Variants in USP31 observed in about 807,000 individuals in gnomAD.
USP31 encodes the protein ubiquitin specific peptidase 31.
Under a neutral mutation model 119.4 loss-of-function variants are expected in USP31, and 44 were observed. That is an observed-to-expected ratio of 0.37 (90% CI 0.29 to 0.47). The LOEUF (loss-of-function observed/expected upper bound fraction) is 0.47, where lower values mean the gene tolerates loss of function less well. Ranked by LOEUF, USP31 falls within the 20% of genes least tolerant of loss-of-function variation. The probability of loss-of-function intolerance (pLI) is 0.99; values close to 1 mark genes in which losing one functional copy is unlikely to be tolerated. For missense variants in USP31, 1,643 were observed against 1,730.2 expected (o/e 0.95, Z 0.89); for synonymous variants, 749 against 705.6 (o/e 1.06, Z -0.97).
In USP31 at chr16:23,067,135, A is replaced by G. The variant is rs1165136232; in HGVS notation, c.*911T>C. ...ATGTCCAGTCTTTCACCCAGTTTAG[A>G]ATCTAGAAGTTTTTTCCAGGAATCT... On this transcript the variant is annotated 3_prime_UTR_variant, in exon 16 of 16. Transcript: ENST00000219689. 2.0e-5 allele frequency: 3 copies of G among 152,708 alleles called. No homozygotes were observed. The highest frequency in any genetic ancestry group is 7.2e-5 in the African/African-American group (3 of 41,562). The allele number at this position is 152,708 out of a possible 1,614,324, so 9.5% of individuals were successfully genotyped here.
rs1381803557 is a variant in USP31 at position 23,102,553 on chromosome 16, G to A, written c.1090-90C>T. ...TCTATGAACTTCTCCAGACCATCAG[G>A]ACTGGCAGTGGTCTGAGAGACATCT... On this transcript the variant is annotated intron_variant, in intron 5 of 15. Transcript: ENST00000219689. 4.8e-5 allele frequency: 69 copies of A among 1,443,894 alleles called. No individual in the cohort carries two copies. The East Asian group carries it at 1.6e-3, about 34-fold the overall frequency. The allele number at this position is 1,443,894 out of a possible 1,614,324, so 89.4% of individuals were successfully genotyped here.
intron 6 of USP31, among the ~76,000 whole-genome samples, chr16:23,094,093 C>G (rs1488223739): frequency 6.6e-6 from 1 of 152,120 alleles, no homozygotes; most frequent in African/African-American, 2.4e-5. Context: ...CTTTCCTAGC[C>G]AAGGGAAGCT....
intron 1 of USP31, among the ~76,000 whole-genome samples, chr16:23,125,854 C>A (rs1032398825): frequency 6.6e-6 from 1 of 152,216 alleles, no homozygotes; most frequent in Non-Finnish European, 1.5e-5. Context: ...AGAGCCATAA[C>A]CTTCAAATAA....
At position 23,067,932 on chromosome 16, in the gene USP31, C is replaced by T. The variant is rs1403854943; in HGVS notation, c.*114G>A. ...ATACACTCACACACACACACACAGT[C>T]GGGCACGTGACTCAAAAAAGTACAA... On this transcript the variant is annotated 3_prime_UTR_variant, in exon 16 of 16. Coordinates refer to ENST00000219689, the MANE Select transcript of USP31 (RefSeq NM_020718.4). 1.5e-5 allele frequency: 20 copies of T among 1,303,900 alleles called. No individual in the cohort carries two copies. The highest frequency in any genetic ancestry group is 1.2e-4 in the South Asian group (8 of 68,590). The allele number at this position is 1,303,900 out of a possible 1,614,324, so 80.8% of individuals were successfully genotyped here.
Position 23,148,710 on chromosome 16 carries a change from A to C in USP31, c.561T>G (p.Thr187=). 1 of 1,491,642 alleles carries C rather than the reference A, an allele frequency of 6.7e-7. No homozygotes were observed. The highest frequency in any genetic ancestry group is 8.9e-7 in the Non-Finnish European group (1 of 1,123,412). 92.4% of individuals were successfully genotyped at this position (1,491,642 alleles called of 1,614,324 possible). A position where few individuals can be genotyped will look rare whatever the true frequency, so the allele number is the denominator to read the frequency against. Residue 187 remains threonine (T), a synonymous_variant, in exon 1 of 16, where the codon ACT becomes ACG. Coordinates refer to ENST00000219689, the MANE Select transcript of USP31 (RefSeq NM_020718.4). ...CCCGCACCAGGTGCGCCAGCTGCTC[A>C]GTGACCTCGCCCTGGCCCTGCGCGC... ...GRGAQGQGEV[T]EQLAHLVRAL...
chr16:23,149,397 A>C lies in USP31; in HGVS notation c.-127T>G. The C allele has an allele frequency of 8.6e-6, 8 of 934,338 alleles. No individual in the cohort carries two copies. Among genetic ancestry groups the C allele is most frequent in the Non-Finnish European group, 8.9e-6 (7 of 785,288 alleles). 57.9% of individuals were successfully genotyped at this position (934,338 alleles called of 1,614,324 possible). ...GGGCTCGACGCCCCACACACCTCAA[A>C]GCGCAGCCGAGCCAGCGAGCGAGCG... On this transcript the variant is annotated 5_prime_UTR_variant, in exon 1 of 16. Coordinates refer to ENST00000219689, the MANE Select transcript of USP31 (RefSeq NM_020718.4).
chr16:23,108,284 G>A, intron 1 of USP31, 101 bp from the exon 2 acceptor site: 2 of 1,459,576 alleles, frequency 1.4e-6, no homozygotes, highest in Non-Finnish European at 9.1e-7. Flanking sequence ...TCTCAAGGGT[G>A]TTAGAGAATA....
intron 10 of USP31, 99 bp downstream of exon 10, chr16:23,085,486 A>T: frequency 9.2e-7 from 1 of 1,092,580 alleles, no homozygotes; most frequent in Non-Finnish European, 1.4e-6. Context: ...TAAAGAGAAG[A>T]GAGATTTGTG....
intron 1 of USP31, among the ~76,000 whole-genome samples, chr16:23,117,295 T>C (rs1211282342): frequency 6.6e-6 from 1 of 152,220 alleles, no homozygotes; most frequent in Non-Finnish European, 1.5e-5. Context: ...GCAAAGAATA[T>C]CTGCACTGCT....
In USP31 at chr16:23,067,957, A is replaced by G. The variant is rs966159273; in HGVS notation, c.*89T>C. ...CGGGCACGTGACTCAAAAAAGTACA[A>G]AACAAAAGCACAGGAGGCTTTGGTG... On this transcript the variant is annotated 3_prime_UTR_variant, in exon 16 of 16. Transcript: ENST00000219689. 9 of 1,499,368 alleles carry G rather than the reference A, an allele frequency of 6.0e-6. No homozygotes were observed. In the African/African-American group the frequency reaches 1.1e-4, roughly 19 times the overall value. 92.9% of individuals were successfully genotyped at this position (1,499,368 alleles called of 1,614,324 possible).
At chr16:23,085,128 G>A (rs756941651) in intron 10 of USP31, 139 bp from the exon 11 acceptor site, 41 of 1,259,560 alleles carry the variant, frequency 3.3e-5, no homozygotes, top group Non-Finnish European at 4.4e-5. Flanking sequence ...CAAAAGTAGT[G>A]ACCCAACTTT....
intron 8 of USP31, 85 bp from the exon 9 acceptor site, chr16:23,087,271 G>A: frequency 8.2e-7 from 1 of 1,221,746 alleles, no homozygotes; most frequent in Non-Finnish European, 1.2e-6. Context: ...ACAGATTAGA[G>A]TTACAGTAAA....
At chr16:23,138,031 A>C (rs116330687) in intron 1 of USP31, among the ~76,000 whole-genome samples, 119 of 152,336 alleles carry the variant, frequency 7.8e-4, no homozygotes, top group African/African-American at 2.7e-3. Context: ...ATGTAAATCA[A>C]TGGCACCTTA....
At chr16:23,080,849 T>C (rs1381716593) in intron 12 of USP31, among the ~76,000 whole-genome samples, 2 of 152,112 alleles carry the variant, frequency 1.3e-5, no homozygotes, top group African/African-American at 4.8e-5. Context: ...AAAATGTTCA[T>C]GAGAGAAAGG....
chr16:23,099,175 T>A (rs1901743096), intron 6 of USP31, among the ~76,000 whole-genome samples: 1 of 152,056 alleles, frequency 6.6e-6, no homozygotes, highest in African/African-American at 2.4e-5. Flanking sequence ...AACAGACACT[T>A]CTCAAAAGAA....
chr16:23,121,923 A>C (rs752612916), intron 1 of USP31, among the ~76,000 whole-genome samples: 3 of 152,218 alleles, frequency 2.0e-5, no homozygotes, highest in Non-Finnish European at 4.4e-5. Context: ...CATTCATTAC[A>C]ACCAGAAGCC....
intron 1 of USP31, among the ~76,000 whole-genome samples, chr16:23,138,804 C>T (rs993714007): frequency 5.3e-5 from 8 of 152,170 alleles, no homozygotes; most frequent in African/African-American, 1.9e-4. Flanking sequence ...CCAAATCCTT[C>T]AAGACACGGA....
chr16:23,095,115 T>C (rs919255756), intron 6 of USP31, among the ~76,000 whole-genome samples: 7 of 152,046 alleles, frequency 4.6e-5, no homozygotes, highest in African/African-American at 1.2e-4. Flanking sequence ...GTTAGACAAA[T>C]GGCTAACTAG....
intron 5 of USP31, among the ~76,000 whole-genome samples, chr16:23,104,991 T>C (rs751181546): frequency 1.3e-4 from 20 of 152,210 alleles, no homozygotes; most frequent in African/African-American, 1.9e-4. Context: ...ACAAAACGTA[T>C]TGAGCATCTA....
Sources: allele counts gnomAD v4.1 joint callset (sites outside exome capture counted in the v4.1 genomes callset), GRCh38; gene constraint gnomAD v4.1.1; transcripts MANE v1.5; gene names NCBI Gene and HGNC (gene_info 2026-07-23, HGNC 2026-07-21).